Variants in USP15 observed in about 807,000 individuals in gnomAD.
USP15 encodes ubiquitin carboxyl-terminal hydrolase 15.
A neutral mutation model predicts 127.1 loss-of-function variants in USP15; 18 were observed. The ratio of observed to expected loss-of-function variants is 0.14; its 90% CI spans 0.10 to 0.21. The LOEUF is 0.21. Among genes scored for constraint, USP15 ranks in the 10% least tolerant of loss-of-function variants. The probability of loss-of-function intolerance (pLI) is 1.00; values close to 1 mark genes in which losing one functional copy is unlikely to be tolerated. For synonymous variants in USP15, 364 were observed against 393.7 expected, an observed-to-expected ratio of 0.92 and a Z score of 0.89; for missense variants, 805 against 1,159.9, an observed-to-expected ratio of 0.69 and a Z score of 4.44.
intron 8 of USP15, among the ~76,000 whole-genome samples, chr12:62,378,842 T>A (rs892892486): frequency 2.6e-5 from 4 of 152,116 alleles, no homozygotes; most frequent in Admixed American, 1.3e-4. Flanking sequence ...GAACCCTCTA[T>A]GCCAAACATT....
intron 2 of USP15, among the ~76,000 whole-genome samples, chr12:62,294,947 C>T (rs577656091): frequency 2.0e-5 from 3 of 152,274 alleles, no homozygotes; most frequent in African/African-American, 7.2e-5. Flanking sequence ...GGTAAGCCCT[C>T]CAACTGCCTT....
intron 6 of USP15, chr12:62,335,355 TA>T: frequency 7.0e-7 from 1 of 1,433,628 alleles, no homozygotes; most frequent in East Asian, 2.5e-5. Flanking sequence ...TCAGAAGAGA[TA>T]AATGATGCGT....
intron 5 of USP15, among the ~76,000 whole-genome samples, chr12:62,325,131 C>T (rs1361530729): frequency 6.6e-6 from 1 of 151,896 alleles, no homozygotes; most frequent in Non-Finnish European, 1.5e-5. Context: ...TAATCCATAG[C>T]AAAAACTAGA....
rs2068145299 is a variant in USP15 at position 62,415,968 on chromosome 12, G to A, written c.*11593G>A. ...TCTGTTCAATACGATTCATACTCAA[G>A]TTCTAATAAACTTTCTTTAGCAAGA... is the stretch of plus-strand genomic sequence containing the variant. On this transcript the variant is annotated 3_prime_UTR_variant, in exon 22 of 22. Transcript: ENST00000280377. 1 of 152,150 alleles carries A rather than the reference G, an allele frequency of 6.6e-6. No individual in the cohort carries two copies. 9.4% of individuals were successfully genotyped at this position (152,150 alleles called of 1,614,324 possible). A position where few individuals can be genotyped will look rare whatever the true frequency, so the allele number is the denominator to read the frequency against.
intron 1 of USP15, among the ~76,000 whole-genome samples, chr12:62,275,834 G>C: frequency 6.6e-6 from 1 of 152,062 alleles, no homozygotes; most frequent in South Asian, 2.1e-4. Context: ...GCTTCTGACT[G>C]CTTTGTAAGG....
At chr12:62,364,256 T>C (rs2066409574) in intron 8 of USP15, among the ~76,000 whole-genome samples, 1 of 152,202 alleles carries the variant, frequency 6.6e-6, no homozygotes, top group African/African-American at 2.4e-5. Context: ...CTCTGACGGC[T>C]TCCATTATCC....
rs182637946 is a variant in USP15 at position 62,380,775 on chromosome 12, G to A, written c.916-715G>A. Among the ~76,000 whole-genome samples, 766 of 152,052 alleles carry A rather than the reference G, an allele frequency of 5.0e-3. 5 individuals are homozygous for A. The highest frequency in any genetic ancestry group is 8.0e-3 in the Non-Finnish European group (543 of 67,918). On this transcript the variant is annotated intron_variant, in intron 8 of 21. Transcript: ENST00000280377. ...TTATTCCAACTTGAGATAAAATGTT[G>A]AAAAATTGTACGTCTGCCATGTTTT...
Position 62,387,089 on chromosome 12 carries a change from C to T in USP15, c.1474-2342C>T, listed in dbSNP as rs187707380. 7.2e-5 allele frequency among the ~76,000 whole-genome samples: 11 copies of T among 152,180 alleles called. No homozygotes were observed. In the East Asian group the frequency reaches 2.1e-3, roughly 29 times the overall value. On this transcript the variant is annotated intron_variant, in intron 11 of 21. Coordinates refer to ENST00000280377, the MANE Select transcript of USP15 (RefSeq NM_001252078.2). ...ATTGAACGTGGTGGCCTAACATGAC[C>T]CAAACCTGTGTTTAGTATTGGATAT...
chr12:62,403,615 C>G (rs1186756095), intron 21 of USP15, among the ~76,000 whole-genome samples: 1 of 151,830 alleles, frequency 6.6e-6, no homozygotes, highest in African/African-American at 2.4e-5. Flanking sequence ...ATCACCCTGA[C>G]TATGAGGAAG....
intron 4 of USP15, 127 bp from the exon 5 acceptor site, chr12:62,321,337 T>G (rs560173255): frequency 7.0e-6 from 4 of 570,294 alleles, no homozygotes; most frequent in East Asian, 3.4e-5. Context: ...TTTTATAGAT[T>G]TATTACATAT....
Position 62,400,283 on chromosome 12 carries a change from C to T in USP15, c.2675-904C>T, listed in dbSNP as rs563225018. Among the ~76,000 whole-genome samples, 3 of 152,174 alleles carry T rather than the reference C, an allele frequency of 2.0e-5. No homozygotes were observed. In the South Asian group the frequency reaches 6.2e-4, roughly 32 times the overall value. ...CCTTTTTCTTGCTGTGTACAGTCAT[C>T]CCTTTGTATCAGTGGATACCACAGA... On this transcript the variant is annotated intron_variant, in intron 20 of 21. Transcript: ENST00000280377.
rs2067065446 is a variant in USP15, at chr12:62,383,950, G to A, written c.1200G>A (p.Arg400=). 6.2e-7 allele frequency: 1 copy of A among 1,612,376 alleles called. No individual in the cohort carries two copies. Among genetic ancestry groups the A allele is most frequent in the Non-Finnish European group, 8.5e-7 (1 of 1,179,048 alleles). ...DGLHEDLNRI[R]KKPYIQLKDA... ...TACATGAGGATTTGAATAGAATTAG[G>A]AAAAAACCATATATACAATTAAAAG... is the stretch of plus-strand genomic sequence containing the variant. Residue 400 remains arginine (R), a synonymous_variant, in exon 10 of 22, where the codon AGG becomes AGA. Transcript: ENST00000280377.
At chr12:62,315,761 A>C (rs1441078769) in intron 4 of USP15, among the ~76,000 whole-genome samples, 1 of 152,128 alleles carries the variant, frequency 6.6e-6, no homozygotes, top group Non-Finnish European at 1.5e-5. Flanking sequence ...AAATGAAAGT[A>C]TTTCTGAATT....
intron 2 of USP15, among the ~76,000 whole-genome samples, chr12:62,299,024 C>T (rs2064220442): frequency 6.6e-6 from 1 of 152,060 alleles, no homozygotes; most frequent in Admixed American, 6.6e-5. Context: ...TTCTTTGCTG[C>T]CACCCCCCAC....
chr12:62,336,528 A>C (rs751839578), intron 6 of USP15: 4 of 969,032 alleles, frequency 4.1e-6, no homozygotes, highest in Non-Finnish European at 4.9e-6. Flanking sequence ...GATCCAAAGA[A>C]CTTCTGTTAT....
intron 6 of USP15, among the ~76,000 whole-genome samples, chr12:62,344,308 C>A (rs1389653597): frequency 2.6e-5 from 4 of 152,170 alleles, no homozygotes; most frequent in Non-Finnish European, 2.9e-5. Context: ...GGTCTATAGG[C>A]CCAGTGCAAG....
rs890152032 is a variant in USP15 at position 62,408,948 on chromosome 12, A to G, written c.*4573A>G. ...CTTTGGTTTAAAATTGAGTTATTTT[A>G]TAAGCTACATAGAATACATCAAAAT... On this transcript the variant is annotated 3_prime_UTR_variant, in exon 22 of 22. Transcript: ENST00000280377. 3.3e-5 allele frequency: 5 copies of G among 152,160 alleles called. No homozygotes were observed. Among genetic ancestry groups the G allele is most frequent in the South Asian group, 2.1e-4 (1 of 4,830 alleles). The allele number at this position is 152,160 out of a possible 1,614,324, so 9.4% of individuals were successfully genotyped here.
chr12:62,273,281 T>G (rs559347664), intron 1 of USP15, among the ~76,000 whole-genome samples: 4 of 152,166 alleles, frequency 2.6e-5, no homozygotes, highest in African/African-American at 9.6e-5. Flanking sequence ...ATTATATGCT[T>G]TCATAGCTCC....
At chr12:62,288,568 C>G (rs2063852643) in intron 1 of USP15, among the ~76,000 whole-genome samples, 2 of 152,112 alleles carry the variant, frequency 1.3e-5, no homozygotes, top group South Asian at 2.1e-4. Context: ...TTGGCTTCCT[C>G]TTTTCCAACT....
Sources: allele counts gnomAD v4.1 joint callset (sites outside exome capture counted in the v4.1 genomes callset), GRCh38; gene constraint gnomAD v4.1.1; transcripts MANE v1.5; gene names NCBI Gene and HGNC (gene_info 2026-07-23, HGNC 2026-07-21).